Variants in BTRC observed in about 807,000 individuals in gnomAD.
BTRC encodes beta-transducin repeat containing E3 ubiquitin protein ligase, also known as F-box/WD repeat-containing protein 1A.
A neutral mutation model predicts 85.5 loss-of-function variants in BTRC; 42 were observed. The observed-to-expected ratio is 0.49, with a 90% confidence interval of 0.38 to 0.64. The LOEUF is 0.64. Among genes scored for constraint, BTRC ranks in the 30% least tolerant of loss-of-function variants. The pLI is 0.00. For missense variants in BTRC, 594 were observed against 743.5 expected (o/e 0.80, Z 2.34); for synonymous variants, 255 against 263.3 (o/e 0.97, Z 0.30).
intron 1 of BTRC, among the ~76,000 whole-genome samples, chr10:101,387,865 T>A (rs1243403294): frequency 1.3e-5 from 2 of 151,996 alleles, no homozygotes; most frequent in Non-Finnish European, 2.9e-5. Flanking sequence ...AATTTTTGTA[T>A]TTTTAGGAGA....
At chr10:101,396,856 G>A (rs1943376756) in intron 1 of BTRC, among the ~76,000 whole-genome samples, 1 of 150,092 alleles carries the variant, frequency 6.7e-6, no homozygotes, top group African/African-American at 2.5e-5. Context: ...AGGCTAGAGT[G>A]CAGTGGCATG....
intron 1 of BTRC, among the ~76,000 whole-genome samples, chr10:101,404,279 C>G (rs1943566463): frequency 6.6e-6 from 1 of 151,598 alleles, no homozygotes; most frequent in Non-Finnish European, 1.5e-5. Flanking sequence ...ATCCGCCCTC[C>G]TCGGCCTCCC....
At chr10:101,525,848 C>A (rs537205133) in intron 5 of BTRC, among the ~76,000 whole-genome samples, 165 bp from the exon 6 acceptor site, 25 of 152,212 alleles carry the variant, frequency 1.6e-4, no homozygotes, top group African/African-American at 6.0e-4. Context: ...ATTATTGACA[C>A]TCATTTTACC....
Position 101,535,352 on chromosome 10 carries a change from A to G in BTRC, c.1348-2A>G. On this transcript the variant is annotated splice_acceptor_variant, in intron 10 of 14. Transcript: ENST00000370187. LOFTEE classifies it high-confidence loss of function. ...ACTGCTCAATGCCATTTTCTTTTTC[A>G]GGTATGGAACACAAGTACTTGTGAA... 1.2e-6 allele frequency: 2 copies of G among 1,608,114 alleles called. No homozygotes were observed. Among genetic ancestry groups the G allele is most frequent in the Non-Finnish European group, 8.5e-7 (1 of 1,176,682 alleles).
chr10:101,421,514 C>T (rs527245647), intron 1 of BTRC, among the ~76,000 whole-genome samples: 8 of 152,004 alleles, frequency 5.3e-5, no homozygotes, highest in East Asian at 3.9e-4. Flanking sequence ...ATGTGCACAA[C>T]GTGCAGGTTT....
chr10:101,474,554 A>T (rs944677178), intron 3 of BTRC, among the ~76,000 whole-genome samples: 3 of 152,172 alleles, frequency 2.0e-5, no homozygotes, highest in African/African-American at 4.8e-5. Flanking sequence ...GGTGTTAGCC[A>T]TAGATTTGAG....
At chr10:101,509,680 G>C (rs561190729) in intron 4 of BTRC, among the ~76,000 whole-genome samples, 3 of 147,886 alleles carry the variant, frequency 2.0e-5, no homozygotes, top group African/African-American at 7.5e-5. Context: ...AGCCTCCCAA[G>C]TAACTGAGAC....
chr10:101,356,991 TG>T (rs1942053305), intron 1 of BTRC, among the ~76,000 whole-genome samples: 1 of 150,936 alleles, frequency 6.6e-6, no homozygotes, highest in Non-Finnish European at 1.5e-5. Flanking sequence ...TAGGCGGGTG[TG>T]GCAGCGTGCG....
chr10:101,521,273 C>CA (rs373346374), intron 4 of BTRC, among the ~76,000 whole-genome samples: 2 of 151,668 alleles, frequency 1.3e-5, no homozygotes, highest in South Asian at 4.2e-4. Flanking sequence ...GACCTTGTCT[C>CA]AAAAAAAAGT....
rs1421042819 is a variant in BTRC, at chr10:101,538,492, G to A, written c.1656+121G>A. 1.3e-5 allele frequency: 11 copies of A among 839,374 alleles called. No homozygotes were observed. The East Asian group carries it at 2.5e-4, about 19-fold the overall frequency. 52.0% of individuals were successfully genotyped at this position (839,374 alleles called of 1,614,324 possible). On this transcript the variant is annotated intron_variant, in intron 13 of 14. Coordinates refer to ENST00000370187, the MANE Select transcript of BTRC (RefSeq NM_033637.4). ...ACAACCTCACAAAACCTACAACTAA[G>A]TGGTAAGGCAACCAGTACATGACAA... is the stretch of plus-strand genomic sequence containing the variant.
chr10:101,385,147 A>G (rs569859067), intron 1 of BTRC, among the ~76,000 whole-genome samples: 2 of 151,962 alleles, frequency 1.3e-5, no homozygotes, highest in African/African-American at 2.4e-5. Context: ...GCAGTGGGCT[A>G]TGATTCCTCC....
intron 6 of BTRC, among the ~76,000 whole-genome samples, chr10:101,527,622 C>T (rs556508092): frequency 2.6e-5 from 4 of 152,132 alleles, no homozygotes; most frequent in South Asian, 2.1e-4. Flanking sequence ...GGCCTGGTGG[C>T]GCATGCCTGT....
rs1589615492 is a variant in BTRC, at chr10:101,538,362, G to C, written c.1647G>C (p.Arg549=). ...PRAPAGTLCL[R]TLVEHSGRVF... ...CTCCTGCAGGGACACTCTGTCTACGGACCCTTGTGGTAAGAGCCTTGCTGT... is the reference window on the plus strand; with the variant it reads ...CTCCTGCAGGGACACTCTGTCTACGCACCCTTGTGGTAAGAGCCTTGCTGT... The change falls in exon 13 of 15, where the codon CGG becomes CGC. Residue 549 remains arginine, a synonymous_variant. Coordinates refer to ENST00000370187, the MANE Select transcript of BTRC (RefSeq NM_033637.4). The C allele has an allele frequency of 1.9e-6, 3 of 1,613,428 alleles. No homozygotes were observed. Among genetic ancestry groups the C allele is most frequent in the African/African-American group, 1.3e-5 (1 of 75,030 alleles).
Position 101,550,815 on chromosome 10 carries a change from A to C in BTRC, c.1773A>C (p.Glu591Asp), listed in dbSNP as rs747082773. ...DFLNDPAAQA[E>D]PPRSPSRTYT... ...TAAATGATCCAGCTGCCCAAGCTGA[A>C]CCCCCCCGTTCCCCTTCTCGAACAT... Residue 591 changes from glutamate (E) to aspartate (D), a missense_variant, in exon 14 of 15, where the codon GAA becomes GAC. Around this residue, in one of 4 missense-constraint regions of BTRC, gnomAD observed 56 missense variants for 39.6 expected, o/e 1.41. Coordinates refer to ENST00000370187, the MANE Select transcript of BTRC (RefSeq NM_033637.4). 2 of 1,613,634 alleles carry C rather than the reference A, an allele frequency of 1.2e-6. No individual in the cohort carries two copies. The highest frequency in any genetic ancestry group is 1.1e-5 in the South Asian group (1 of 91,038).
At chr10:101,512,385 ATACT>A (rs1376542835) in intron 4 of BTRC, among the ~76,000 whole-genome samples, 2 of 152,172 alleles carry the variant, frequency 1.3e-5, no homozygotes, top group Non-Finnish European at 2.9e-5. Context: ...CTTGTCATAA[ATACT>A]TTGTTCATCT....
At chr10:101,497,179 C>T (rs183232930) in intron 4 of BTRC, among the ~76,000 whole-genome samples, 1 of 152,134 alleles carries the variant, frequency 6.6e-6, no homozygotes. Context: ...TCCCATTATA[C>T]CGGATTGTTT....
chr10:101,377,031 A>G (rs146421743), intron 1 of BTRC, among the ~76,000 whole-genome samples: 2 of 152,314 alleles, frequency 1.3e-5, no homozygotes, highest in African/African-American at 4.8e-5. Context: ...CACAATCAGG[A>G]TAAGAACAAT....
At chr10:101,401,209 G>A (rs1378061596) in intron 1 of BTRC, among the ~76,000 whole-genome samples, 3 of 152,174 alleles carry the variant, frequency 2.0e-5, no homozygotes, top group Admixed American at 1.3e-4. Flanking sequence ...TTTAAGTACA[G>A]GTATAGGTGA....
intron 4 of BTRC, among the ~76,000 whole-genome samples, chr10:101,484,883 C>T (rs750350256): frequency 6.6e-5 from 10 of 152,174 alleles, no homozygotes; most frequent in Non-Finnish European, 1.5e-4. Context: ...GAGATATACA[C>T]AGTTAAATGA....
Sources: gnomAD v4.1 joint callset for allele counts (sites outside exome capture counted in the v4.1 genomes callset) on GRCh38, gnomAD v4.1.1 for gene constraint, gnomAD v4.1.1 regional missense constraint, MANE v1.5 for transcripts, NCBI Gene and HGNC (gene_info 2026-07-23, HGNC 2026-07-21) for gene names.